ANKRD28: variants seen among roughly 807,000 people sequenced by gnomAD.
ANKRD28 encodes ankyrin repeat domain 28.
In ANKRD28, 44 loss-of-function variants were observed where a neutral mutation model predicts 126.5. The observed-to-expected ratio is 0.35, with a 90% CI of 0.27 to 0.45. The LOEUF (loss-of-function observed/expected upper bound fraction) is 0.45. Among genes scored for constraint, ANKRD28 ranks in the 20% least tolerant of loss-of-function variants. The pLI, the probability that ANKRD28 is intolerant of heterozygous loss-of-function variation, is 1.00. For missense variants in ANKRD28, 1,110 were observed against 1,316.6 expected (o/e 0.84, Z 2.43); for synonymous variants, 442 against 468.5 (o/e 0.94, Z 0.73).
In ANKRD28 at chr3:15,816,723, G is replaced by C. The variant is rs187334566; in HGVS notation, c.28-21417C>G. On this transcript the variant is annotated intron_variant, in intron 1 of 27. Coordinates refer to the ANKRD28 transcript ENST00000399451. The surrounding 1 kb of genome is among the most constrained non-coding windows in gnomAD (Gnocchi z 5.0). ...CATCTTTTCATATAAAATTATCAAA[G>C]TATGTCAATCGTCTCAATTTATATA... 3.3e-4 allele frequency among the ~76,000 whole-genome samples: 50 copies of C among 152,242 alleles called. No homozygotes were observed. Among genetic ancestry groups the C allele is most frequent in the Middle Eastern group, 3.4e-3 (1 of 294 alleles).
At chr3:15,840,527 T>C (rs566891597) in intron 1 of ANKRD28, among the ~76,000 whole-genome samples, 171 of 151,190 alleles carry the variant, frequency 1.1e-3, no homozygotes, top group African/African-American at 4.0e-3. Context: ...TTCACAGAAA[T>C]AGAAAAAAAA....
intron 2 of ANKRD28, among the ~76,000 whole-genome samples, chr3:15,793,152 A>G (rs2060111159): frequency 6.6e-6 from 1 of 152,232 alleles, no homozygotes; most frequent in Non-Finnish European, 1.5e-5. Context: ...TCACACTGAC[A>G]TAAAGCTTAA....
Position 15,754,946 on chromosome 3 carries a change from G to C in ANKRD28, c.281-3126C>G, listed in dbSNP as rs571607846. The stretch of plus-strand genomic sequence containing the variant: ...AGTCTGGCCAACATGGTGAAACCCA[G>C]GCCCTACTAAAATTACAAAAAAAAA... On this transcript the variant is annotated intron_variant, in intron 3 of 27. Coordinates refer to ENST00000683139, the MANE Select transcript of ANKRD28 (RefSeq NM_001349278.2). Among the ~76,000 whole-genome samples, 5 of 152,148 alleles carry C rather than the reference G, an allele frequency of 3.3e-5. No homozygotes were observed. In the East Asian group the frequency reaches 7.7e-4, roughly 24 times the overall value.
chr3:15,857,864 AC>A (rs1364465961), intron 1 of ANKRD28, among the ~76,000 whole-genome samples: 1 of 152,262 alleles, frequency 6.6e-6, no homozygotes, highest in Admixed American at 6.5e-5. Flanking sequence ...ACAAAGGAAA[AC>A]ATCGATCAGT....
chr3:15,710,799 G>GT (rs1018959723), intron 12 of ANKRD28, among the ~76,000 whole-genome samples: 4 of 151,864 alleles, frequency 2.6e-5, no homozygotes, highest in African/African-American at 7.3e-5. Flanking sequence ...CCTAGTAGAG[G>GT]TAAGACACAG....
chr3:15,774,474 T>G (rs1353506268), intron 2 of ANKRD28, among the ~76,000 whole-genome samples: 1 of 152,114 alleles, frequency 6.6e-6, no homozygotes. Context: ...TGGTACCTAT[T>G]TGGAAAAGAA....
At chr3:15,849,212 T>A (rs2061587115) in intron 1 of ANKRD28, among the ~76,000 whole-genome samples, 1 of 152,214 alleles carries the variant, frequency 6.6e-6, no homozygotes, top group Non-Finnish European at 1.5e-5. Context: ...ATCATTAAGA[T>A]GGCAGTATTT....
chr3:15,714,638 G>C lies in ANKRD28; in HGVS notation c.1015C>G (p.Pro339Ala). The part of the protein sequence containing the change: ...VNMKSKDGKT[P>A]LHMTALHGRF... Reference sequence around the variant, plus strand: ...CCGTGGAGAGCAGTCATGTGTAGTGGGGTTTTCCCATCTTTACTCTGGGGG... The same window carrying C: ...CCGTGGAGAGCAGTCATGTGTAGTGCGGTTTTCCCATCTTTACTCTGGGGG... The change falls in exon 9 of 28, where the codon CCA becomes GCA. Residue 339 changes from proline to alanine, a missense_variant. Physicochemically the swap from Pro to Ala is conservative, Grantham distance 27. Transcript: ENST00000683139. The C allele has an allele frequency of 1.3e-6, 2 of 1,596,090 alleles. No homozygotes were observed. Among genetic ancestry groups the C allele is most frequent in the Non-Finnish European group, 1.7e-6 (2 of 1,173,394 alleles).
rs1314650619 is a variant in ANKRD28, at chr3:15,737,239, AC to A, written c.352-7del. On this transcript the variant is annotated splice_region_variant and splice_polypyrimidine_tract_variant and intron_variant, in intron 4 of 27. Transcript: ENST00000683139. ...AAAAGTACCTGAACTGCTTCCTAAA[AC>A]ATATGAAAAGTTATAAAAGACAAAT... 2 of 1,610,128 alleles carry A rather than the reference AC, an allele frequency of 1.2e-6. No homozygotes were observed. Among genetic ancestry groups the A allele is most frequent in the Non-Finnish European group, 1.7e-6 (2 of 1,177,794 alleles).
chr3:15,741,062 G>A (rs1037875582), intron 4 of ANKRD28, among the ~76,000 whole-genome samples: 1 of 152,172 alleles, frequency 6.6e-6, no homozygotes, highest in Non-Finnish European at 1.5e-5. Context: ...AGCCAGGTGG[G>A]GGGGCGGGCG....
At position 15,677,502 on chromosome 3, in the gene ANKRD28, G is replaced by A. The variant is rs1292148688; in HGVS notation, c.2768C>T (p.Ala923Val). The stretch of plus-strand genomic sequence containing the variant: ...TACCTTGCTACAAGCCAAATGGAGG[G>A]CAGTATTTTTACTGTTATCTTGTAA... Reference protein sequence around the residue: ...LTLQDNSKNTALHLACSKGHE... With the variant: ...LTLQDNSKNTVLHLACSKGHE... Residue 923 changes from alanine to valine, a missense_variant, in exon 25 of 28, where the codon GCC becomes GTC. Physicochemically the swap from Ala to Val is moderately conservative, Grantham distance 64. Coordinates refer to ENST00000683139, the MANE Select transcript of ANKRD28 (RefSeq NM_001349278.2). 8.1e-6 allele frequency: 13 copies of A among 1,612,328 alleles called. No homozygotes were observed. Among genetic ancestry groups the A allele is most frequent in the Non-Finnish European group, 1.1e-5 (13 of 1,178,802 alleles).
At chr3:15,848,079 TA>T (rs1404479676) in intron 1 of ANKRD28, among the ~76,000 whole-genome samples, 12 of 152,196 alleles carry the variant, frequency 7.9e-5, no homozygotes, top group African/African-American at 2.9e-4. Context: ...TGATGCACAA[TA>T]AAATCAGAGT....
At chr3:15,844,437 T>C (rs1217725137) in intron 1 of ANKRD28, among the ~76,000 whole-genome samples, 1 of 151,624 alleles carries the variant, frequency 6.6e-6, no homozygotes, top group African/African-American at 2.4e-5. Flanking sequence ...ATGAAAAAAG[T>C]TGTGGTCAGA....
At position 15,690,185 on chromosome 3, in the gene ANKRD28, C is replaced by G. The variant is rs778362864; in HGVS notation, c.1797G>C (p.Leu599Phe). Reference protein sequence around the residue: ...YHGHHQALEVLVQSLLDLDVR... With the variant: ...YHGHHQALEVFVQSLLDLDVR... ...CATCAAGATCTAACAAAGACTGTAC[C>G]AACACTTCCAGTGCTTGATGGTGAC... Residue 599 changes from leucine (L) to phenylalanine (F), a missense_variant, in exon 18 of 28, where the codon TTG becomes TTC. Leu to Phe is a conservative substitution (Grantham distance 22, BLOSUM62 0). Transcript: ENST00000683139. 2 of 1,606,356 alleles carry G rather than the reference C, an allele frequency of 1.2e-6. No homozygotes were observed. The highest frequency in any genetic ancestry group is 1.7e-6 in the Non-Finnish European group (2 of 1,176,168).
chr3:15,859,251 G>GGTTTCCTC, intron 1 of ANKRD28: 2 of 1,389,056 alleles, frequency 1.4e-6, no homozygotes, highest in Non-Finnish European at 9.5e-7. Flanking sequence ...AGGTCCCCGG[G>GGTTTCCTC]GCAGGACCCC....
rs1334794380 is a variant in ANKRD28, at chr3:15,714,700, A to C, written c.997-44T>G. 9 of 1,398,558 alleles carry C rather than the reference A, an allele frequency of 6.4e-6. No homozygotes were observed. In the South Asian group the frequency reaches 9.4e-5, roughly 15 times the overall value. 86.6% of individuals were successfully genotyped at this position (1,398,558 alleles called of 1,614,324 possible). A position where few individuals can be genotyped will look rare whatever the true frequency, so the allele number is the denominator to read the frequency against. On this transcript the variant is annotated intron_variant, in intron 8 of 27. Transcript: ENST00000683139. ...AATTACTCACTCTACTATATCCATA[A>C]TGTGTAAACCTTAGTTTTACTTTGA...
Position 15,845,918 on chromosome 3 carries a change from T to C in ANKRD28, c.27+13459A>G, listed in dbSNP as rs1158154229. 1.3e-5 allele frequency among the ~76,000 whole-genome samples: 2 copies of C among 152,056 alleles called. No homozygotes were observed. Among genetic ancestry groups the C allele is most frequent in the African/African-American group, 2.4e-5 (1 of 41,380 alleles). On this transcript the variant is annotated intron_variant, in intron 1 of 27. Coordinates refer to the ANKRD28 transcript ENST00000399451. The surrounding 1 kb of genome is among the most constrained non-coding windows in gnomAD (Gnocchi z 4.9). ...TATCAAGAGAACAGCAAGGGGGAAA[T>C]CTGCCCCAACAATCCAATAGCATCT...
At chr3:15,850,204 A>AAAAAAATATATAT (rs1486394619) in intron 1 of ANKRD28, among the ~76,000 whole-genome samples, 5 of 54,836 alleles carry the variant, frequency 9.1e-5, no homozygotes, top group Non-Finnish European at 1.5e-4. Flanking sequence ...AAAAAAAAAA[A>AAAAAAATATATAT]ATATATATAT....
At chr3:15,769,686 C>T (rs2058906851) in intron 2 of ANKRD28, among the ~76,000 whole-genome samples, 1 of 152,168 alleles carries the variant, frequency 6.6e-6, no homozygotes, top group African/African-American at 2.4e-5. Flanking sequence ...TAGTTTACCA[C>T]TAACAAGCCT....
Sources: allele counts gnomAD v4.1 joint callset (sites outside exome capture counted in the v4.1 genomes callset), GRCh38; gene constraint gnomAD v4.1.1; non-coding constraint Gnocchi (gnomAD v3.1); transcripts MANE v1.5; gene names NCBI Gene and HGNC (gene_info 2026-07-23, HGNC 2026-07-21).